The following TANGO6 variants were observed in gnomAD, a reference collection of about 807,000 sequenced individuals.
TANGO6 encodes the protein transport and golgi organization 6 homolog.
Under a neutral mutation model 114.2 loss-of-function variants are expected in TANGO6, and 90 were observed. That is an observed-to-expected ratio of 0.79 (90% CI 0.66 to 0.94). TANGO6 has a LOEUF of 0.94. TANGO6 is among the 40% of genes least tolerant of loss of function. The pLI, the probability that TANGO6 is intolerant of heterozygous loss-of-function variation, is 0.00. For synonymous variants in TANGO6, 477 were observed against 509.8 expected, an observed-to-expected ratio of 0.94 and a Z score of 0.87; for missense variants, 1,274 against 1,315.3, an observed-to-expected ratio of 0.97 and a Z score of 0.49.
At chr16:68,986,840 G>A (rs1963896379) in intron 15 of TANGO6, among the ~76,000 whole-genome samples, 1 of 152,132 alleles carries the variant, frequency 6.6e-6, no homozygotes, top group East Asian at 1.9e-4. Context: ...GGGAGGCAGA[G>A]GGTGCAGTGA....
At chr16:68,920,989 G>T (rs1963083356) in intron 12 of TANGO6, among the ~76,000 whole-genome samples, 1 of 151,360 alleles carries the variant, frequency 6.6e-6, no homozygotes, top group East Asian at 2.0e-4. Flanking sequence ...TGTAGTCCCA[G>T]CTACTCGGGA....
chr16:68,943,729 GAT>G (rs1963383011), intron 14 of TANGO6, among the ~76,000 whole-genome samples: 2 of 152,042 alleles, frequency 1.3e-5, no homozygotes, highest in Admixed American at 6.6e-5. Context: ...TGCCCTTTAA[GAT>G]AAGAATCTCC....
intron 4 of TANGO6, among the ~76,000 whole-genome samples, chr16:68,868,689 G>A (rs1962218133): frequency 6.6e-6 from 1 of 151,816 alleles, no homozygotes; most frequent in Non-Finnish European, 1.5e-5. Context: ...AGTACAGATG[G>A]GGTTTCACTG....
intron 4 of TANGO6, chr16:68,867,571 G>A (rs1165295642): frequency 5.2e-6 from 1 of 193,284 alleles, no homozygotes; most frequent in Non-Finnish European, 1.1e-5. Flanking sequence ...CGGGCGCGGT[G>A]GCTCACGCCT....
In TANGO6 at chr16:69,041,700, C is replaced by G. The variant is rs117257691; in HGVS notation, c.3108+1279C>G. 8.8e-3 allele frequency among the ~76,000 whole-genome samples: 1,335 copies of G among 152,302 alleles called. 43 individuals carry two copies. Among genetic ancestry groups the G allele is most frequent in the East Asian group, 0.056 (288 of 5,174 alleles). The stretch of plus-strand genomic sequence containing the variant: ...TTTACCCTCGGCTGCATTTCTCCCC[C>G]TTCTCCTCCACCTTGTATAGGTTGA... On this transcript the variant is annotated intron_variant, in intron 17 of 17. Transcript: ENST00000261778.
intron 16 of TANGO6, chr16:69,035,521 CTTTA>C (rs1959672261): frequency 6.6e-6 from 1 of 152,132 alleles, no homozygotes; most frequent in African/African-American, 2.4e-5. Flanking sequence ...TTTGTATTAT[CTTTA>C]TTTATATAGT....
intron 17 of TANGO6, among the ~76,000 whole-genome samples, chr16:69,081,996 A>G (rs1427495986): frequency 2.0e-5 from 3 of 150,100 alleles, no homozygotes; most frequent in African/African-American, 4.9e-5. Context: ...CTTTTTTAAG[A>G]TGGAGTCTAG....
chr16:68,898,622 G>A (rs974716170), intron 7 of TANGO6, among the ~76,000 whole-genome samples: 1 of 152,082 alleles, frequency 6.6e-6, no homozygotes, highest in African/African-American at 2.4e-5. Flanking sequence ...TTACAGGTGT[G>A]AGCCATCACA....
chr16:68,980,010 AT>A (rs1265673832), intron 15 of TANGO6, among the ~76,000 whole-genome samples: 1 of 151,116 alleles, frequency 6.6e-6, no homozygotes, highest in Non-Finnish European at 1.5e-5. Context: ...TGCCCGGCTA[AT>A]TTTTTTTGGT....
chr16:69,002,689 A>C (rs1004515088), intron 15 of TANGO6, among the ~76,000 whole-genome samples: 16 of 152,108 alleles, frequency 1.1e-4, no homozygotes, highest in African/African-American at 3.1e-4. Flanking sequence ...AAAATGGACT[A>C]ATACGTTGGG....
intron 15 of TANGO6, among the ~76,000 whole-genome samples, chr16:68,995,143 T>C (rs1963980516): frequency 6.6e-6 from 1 of 152,224 alleles, no homozygotes; most frequent in African/African-American, 2.4e-5. Context: ...TATTTACTTA[T>C]AATTTGCATC....
chr16:69,063,263 C>T (rs1285054656), intron 17 of TANGO6, among the ~76,000 whole-genome samples: 2 of 150,606 alleles, frequency 1.3e-5, no homozygotes, highest in Admixed American at 6.6e-5. Context: ...CGGTGGCTCA[C>T]GCCTGTAATC....
chr16:69,056,380 A>G (rs1960032400), intron 17 of TANGO6, among the ~76,000 whole-genome samples: 1 of 152,232 alleles, frequency 6.6e-6, no homozygotes, highest in South Asian at 2.1e-4. Flanking sequence ...TTAGGATGTT[A>G]GAAGTGGAAG....
intron 7 of TANGO6, among the ~76,000 whole-genome samples, chr16:68,888,885 T>C (rs1209109451): frequency 6.6e-6 from 1 of 152,232 alleles, no homozygotes. Flanking sequence ...CAATCTCAGC[T>C]TATTGCAGCC....
At chr16:68,947,333 A>G (rs1038433909) in intron 14 of TANGO6, among the ~76,000 whole-genome samples, 1 of 151,974 alleles carries the variant, frequency 6.6e-6, no homozygotes, top group Non-Finnish European at 1.5e-5. Context: ...GTGTGCCTAC[A>G]ATCCCAGCTA....
intron 17 of TANGO6, among the ~76,000 whole-genome samples, chr16:69,060,746 C>T (rs1446196102): frequency 1.3e-5 from 2 of 152,090 alleles, no homozygotes; most frequent in Non-Finnish European, 2.9e-5. Flanking sequence ...GTAATCCCAG[C>T]ACTTTGGGAG....
intron 16 of TANGO6, among the ~76,000 whole-genome samples, chr16:69,037,373 G>A (rs1362463366): frequency 6.6e-6 from 1 of 152,180 alleles, no homozygotes; most frequent in African/African-American, 2.4e-5. Context: ...TCTTCCAAAC[G>A]TGGAAGCAGG....
intron 15 of TANGO6, among the ~76,000 whole-genome samples, chr16:68,974,717 G>C (rs1440652317): frequency 3.3e-5 from 5 of 151,890 alleles, no homozygotes; most frequent in Admixed American, 3.3e-4. Flanking sequence ...GCTGTGTTGG[G>C]CCCTGATTTT....
At chr16:68,921,083 C>T (rs1160805223) in intron 12 of TANGO6, among the ~76,000 whole-genome samples, 1 of 139,194 alleles carries the variant, frequency 7.2e-6, no homozygotes, top group African/African-American at 2.7e-5. Flanking sequence ...CGCGCCACTG[C>T]ACTCCAGCCT....
Sources: gnomAD v4.1 joint callset for allele counts (sites outside exome capture counted in the v4.1 genomes callset) on GRCh38, gnomAD v4.1.1 for gene constraint, MANE v1.5 for transcripts, NCBI Gene and HGNC (gene_info 2026-07-23, HGNC 2026-07-21) for gene names.